The following MUSK variants were observed in gnomAD, a reference collection of about 807,000 sequenced individuals.
The protein encoded by MUSK is muscle, skeletal receptor tyrosine-protein kinase.
MUSK carries 55 observed loss-of-function variants against 88.7 expected under a neutral mutation model. The observed-to-expected ratio is 0.62, with a 90% CI of 0.50 to 0.78. MUSK has a LOEUF of 0.78. MUSK is among the 30% of genes least tolerant of loss of function. The pLI, the probability that MUSK is intolerant of heterozygous loss-of-function variation, is 0.00. For missense variants in MUSK, 1,015 were observed against 1,074.3 expected (o/e 0.94, Z 0.77); for synonymous variants, 387 against 391.9 (o/e 0.99, Z 0.15).
At chr9:110,764,849 A>G (rs2077454892) in intron 8 of MUSK, among the ~76,000 whole-genome samples, 1 of 152,202 alleles carries the variant, frequency 6.6e-6, no homozygotes, top group African/African-American at 2.4e-5. Context: ...TGTTAGGAAG[A>G]AAAAGCAAAA....
At chr9:110,764,252 C>T (rs2077441708) in intron 8 of MUSK, among the ~76,000 whole-genome samples, 2 of 152,160 alleles carry the variant, frequency 1.3e-5, no homozygotes, top group Admixed American at 6.5e-5. Flanking sequence ...AGCAGTACCA[C>T]GAACTGCAGG....
chr9:110,681,031 A>C (rs369873038), intron 1 of MUSK, among the ~76,000 whole-genome samples: 1 of 10,366 alleles, frequency 9.6e-5, no homozygotes, highest in Admixed American at 6.8e-4. Flanking sequence ...ATTATATATT[A>C]TATATTATAT....
intron 1 of MUSK, among the ~76,000 whole-genome samples, chr9:110,676,234 G>A (rs184902823): frequency 8.3e-4 from 126 of 151,124 alleles, no homozygotes; most frequent in African/African-American, 2.8e-3. Flanking sequence ...TCATAGCAAG[G>A]GATAAGTGCT....
chr9:110,753,406 C>T (rs984360905), intron 7 of MUSK, among the ~76,000 whole-genome samples: 16 of 149,794 alleles, frequency 1.1e-4, no homozygotes, highest in African/African-American at 3.9e-4. Flanking sequence ...CACCACGGCA[C>T]TCCAGCCTGA....
chr9:110,777,201 G>T (rs2077684926), intron 11 of MUSK, among the ~76,000 whole-genome samples: 1 of 152,084 alleles, frequency 6.6e-6, no homozygotes, highest in South Asian at 2.1e-4. Context: ...TGCTTGAAAA[G>T]GGATGTCGTA....
At chr9:110,785,821 T>G in intron 13 of MUSK, 103 bp downstream of exon 13, 1 of 649,880 alleles carries the variant, frequency 1.5e-6, no homozygotes, top group Non-Finnish European at 2.4e-6. Flanking sequence ...TTTATATATA[T>G]ATACACACAC....
intron 7 of MUSK, among the ~76,000 whole-genome samples, chr9:110,761,700 C>G (rs904132919): frequency 6.6e-6 from 1 of 151,594 alleles, no homozygotes; most frequent in Non-Finnish European, 1.5e-5. Context: ...CTCAGCCTCC[C>G]ACGTAGCGGG....
intron 5 of MUSK, among the ~76,000 whole-genome samples, chr9:110,714,754 C>T (rs2076723881): frequency 6.6e-6 from 1 of 152,138 alleles, no homozygotes; most frequent in Admixed American, 6.6e-5. Flanking sequence ...TTTCAACCAC[C>T]CAGGGCCACG....
At chr9:110,690,142 A>G (rs2076308637) in intron 3 of MUSK, among the ~76,000 whole-genome samples, 1 of 106,512 alleles carries the variant, frequency 9.4e-6, no homozygotes, top group Non-Finnish European at 1.7e-5. Flanking sequence ...AAATATAGAA[A>G]TATATATTTA....
chr9:110,728,118 C>A (rs1025381478), intron 5 of MUSK, among the ~76,000 whole-genome samples: 6 of 152,054 alleles, frequency 3.9e-5, no homozygotes, highest in Non-Finnish European at 8.8e-5. Context: ...TAATGATTTG[C>A]TCCTTTCTGC....
At chr9:110,670,861 G>A (rs2075947732) in intron 1 of MUSK, among the ~76,000 whole-genome samples, 1 of 152,070 alleles carries the variant, frequency 6.6e-6, no homozygotes, top group Admixed American at 6.6e-5. Flanking sequence ...ACTACATACA[G>A]CAGTTCTGAG....
intron 6 of MUSK, among the ~76,000 whole-genome samples, chr9:110,735,227 A>T (rs545471774): frequency 6.6e-6 from 1 of 152,232 alleles, no homozygotes; most frequent in Admixed American, 6.5e-5. Flanking sequence ...AAAAGAAAGA[A>T]AATCAGTATA....
At chr9:110,719,160 A>G (rs1307471906) in intron 5 of MUSK, among the ~76,000 whole-genome samples, 1 of 152,036 alleles carries the variant, frequency 6.6e-6, no homozygotes, top group Non-Finnish European at 1.5e-5. Context: ...CAGTAACACA[A>G]TGAAAACAAC....
At chr9:110,691,835 A>G (rs981327000) in intron 3 of MUSK, among the ~76,000 whole-genome samples, 2 of 152,084 alleles carry the variant, frequency 1.3e-5, no homozygotes, top group African/African-American at 4.8e-5. Context: ...AAGATGTAAA[A>G]TATTTCCTGA....
At chr9:110,742,785 C>G (rs1241335130) in intron 6 of MUSK, among the ~76,000 whole-genome samples, 1 of 152,124 alleles carries the variant, frequency 6.6e-6, no homozygotes, top group African/African-American at 2.4e-5. Flanking sequence ...GACTTTCATC[C>G]AGGAAGAAAG....
chr9:110,765,879 A>G lies in MUSK; in HGVS notation c.921-1941A>G, dbSNP rs573658668. ...GTGAGCCACCACACTCAGCCAAAGCAATCCATTTTTATGCTTAGGTTCAAT... is the reference window on the plus strand; with the variant it reads ...GTGAGCCACCACACTCAGCCAAAGCGATCCATTTTTATGCTTAGGTTCAAT... On this transcript the variant is annotated intron_variant, in intron 8 of 14. Transcript: ENST00000374448. Among the ~76,000 whole-genome samples the G allele has an allele frequency of 5.9e-5, 9 of 152,174 alleles. No individual in the cohort carries two copies. The South Asian group carries it at 1.9e-3, about 32-fold the overall frequency.
rs1474482811 is a variant in MUSK, at chr9:110,681,086, A to T, written c.80-1588A>T. 1.4e-3 allele frequency among the ~76,000 whole-genome samples: 29 copies of T among 20,452 alleles called. 3 individuals carry two copies. The highest frequency in any genetic ancestry group is 5.9e-3 in the African/African-American group (22 of 3,750). 13.4% of individuals were successfully genotyped at this position (20,452 alleles called of 152,430 possible). On this transcript the variant is annotated intron_variant, in intron 1 of 14. Transcript: ENST00000374448. ...ATATATAATATTATATATATTATAT[A>T]ATATATATTATATAATATATATTAT...
intron 5 of MUSK, among the ~76,000 whole-genome samples, chr9:110,726,821 G>C (rs2076891121): frequency 6.6e-6 from 1 of 152,004 alleles, no homozygotes; most frequent in South Asian, 2.1e-4. Context: ...GCTCTAGAAA[G>C]ATGTGTCCAG....
intron 1 of MUSK, among the ~76,000 whole-genome samples, chr9:110,674,483 G>A (rs572815418): frequency 6.6e-6 from 1 of 152,058 alleles, no homozygotes; most frequent in African/African-American, 2.4e-5. Flanking sequence ...TCTCCCACTT[G>A]ACTACGATTA....
Sources: allele counts gnomAD v4.1 joint callset (sites outside exome capture counted in the v4.1 genomes callset), GRCh38; gene constraint gnomAD v4.1.1; transcripts MANE v1.5; gene names NCBI Gene and HGNC (gene_info 2026-07-23, HGNC 2026-07-21).